Variants in ZFHX3 observed in about 807,000 individuals in gnomAD.
The protein encoded by ZFHX3 is zinc finger homeobox 3, also known as zinc finger homeobox protein 3.
Under a neutral mutation model 279.1 loss-of-function variants are expected in ZFHX3, and 42 were observed. The observed-to-expected ratio is 0.15, with a 90% CI of 0.12 to 0.19. The LOEUF (loss-of-function observed/expected upper bound fraction) is 0.19, where lower values mean the gene tolerates loss of function less well. ZFHX3 is among the 10% of genes least tolerant of loss of function. The probability of loss-of-function intolerance (pLI) is 1.00; values close to 1 mark genes in which losing one functional copy is unlikely to be tolerated. For missense variants in ZFHX3, 4,981 were observed against 4,754.0 expected (o/e 1.05, Z -1.40); for synonymous variants, 2,293 against 1,957.8 (o/e 1.17, Z -4.52).
intron 1 of ZFHX3, among the ~76,000 whole-genome samples, chr16:73,003,516 C>CCA (rs1311887026): frequency 7.3e-6 from 1 of 136,292 alleles, no homozygotes; most frequent in African/African-American, 2.7e-5. Context: ...GGTGAGACCC[C>CCA]CCCCTCCCCA....
intron 2 of ZFHX3, among the ~76,000 whole-genome samples, chr16:73,533,580 G>A (rs536333532): frequency 2.6e-5 from 4 of 151,930 alleles, no homozygotes; most frequent in South Asian, 2.1e-4. Flanking sequence ...TAGCTCAGAC[G>A]TCCCTTCCAA....
chr16:73,419,518 C>G (rs1190525150), intron 3 of ZFHX3, among the ~76,000 whole-genome samples: 1 of 152,108 alleles, frequency 6.6e-6, no homozygotes, highest in South Asian at 2.1e-4. Context: ...CCCTGCTGCC[C>G]CACAGAACTA....
chr16:73,010,648 C>CGAGCT (rs1425267820), intron 1 of ZFHX3, among the ~76,000 whole-genome samples: 1 of 152,060 alleles, frequency 6.6e-6, no homozygotes, highest in African/African-American at 2.4e-5. Flanking sequence ...ATAAAAGGAC[C>CGAGCT]GAGCTGGCAG....
At chr16:73,187,451 G>A (rs1232466759) in intron 5 of ZFHX3, among the ~76,000 whole-genome samples, 1 of 151,906 alleles carries the variant, frequency 6.6e-6, no homozygotes, top group Non-Finnish European at 1.5e-5. Context: ...CTCCTAACTA[G>A]CTATTGACAT....
intron 5 of ZFHX3, among the ~76,000 whole-genome samples, chr16:72,825,577 C>T (rs1597281075): frequency 6.6e-6 from 1 of 152,222 alleles, no homozygotes; most frequent in Middle Eastern, 3.4e-3. Context: ...TTGGGATAAA[C>T]AGATGAAGCA....
intron 2 of ZFHX3, among the ~76,000 whole-genome samples, chr16:73,475,588 A>G (rs1047399048): frequency 1.3e-5 from 2 of 152,130 alleles, no homozygotes; most frequent in Non-Finnish European, 2.9e-5. Flanking sequence ...TTGAAGTATT[A>G]CATATAAAAA....
intron 3 of ZFHX3, among the ~76,000 whole-genome samples, chr16:73,333,610 C>T (rs78372130): frequency 0.081 from 12,360 of 151,768 alleles, 1,169 homozygotes; most frequent in African/African-American, 0.22. Context: ...GGGACAATAA[C>T]GAGGGTGGAT....
chr16:72,829,658 G>T (rs2143720617), intron 5 of ZFHX3, 121 bp downstream of exon 5: 1 of 1,044,484 alleles, frequency 9.6e-7, no homozygotes, highest in South Asian at 1.5e-5. Flanking sequence ...CCTTTTTCTG[G>T]GCAGACTAAG....
At chr16:73,630,911 G>A (rs142797394) in intron 2 of ZFHX3, among the ~76,000 whole-genome samples, 26 of 152,344 alleles carry the variant, frequency 1.7e-4, no homozygotes, top group African/African-American at 3.1e-4. Context: ...GAGGTGACAT[G>A]AATGTCTACT....
intron 3 of ZFHX3, among the ~76,000 whole-genome samples, chr16:73,422,332 G>A (rs2017733561): frequency 1.3e-5 from 2 of 152,176 alleles, no homozygotes; most frequent in South Asian, 4.2e-4. Flanking sequence ...GAGCTTTGGA[G>A]GTTGGCAATA....
Position 72,783,932 on chromosome 16 carries a change from T to TCTAA in ZFHX3, c.*3228_*3231dup, listed in dbSNP as rs914049428. ...CACGATGGCTGTCAGCCCACAAACA[T>TCTAA]CTAACTCATGTTTGACCTCTAATGT... On this transcript the variant is annotated 3_prime_UTR_variant, in exon 10 of 10. Transcript: ENST00000268489. 11 of 152,360 alleles carry TCTAA rather than the reference T, an allele frequency of 7.2e-5. No homozygotes were observed. The highest frequency in any genetic ancestry group is 2.1e-4 in the South Asian group (1 of 4,832). The allele number at this position is 152,360 out of a possible 1,614,324, so 9.4% of individuals were successfully genotyped here.
At chr16:73,644,032 A>C (rs568902558) in intron 2 of ZFHX3, among the ~76,000 whole-genome samples, 2 of 152,186 alleles carry the variant, frequency 1.3e-5, no homozygotes, top group African/African-American at 4.8e-5. Flanking sequence ...TTTTAGACTT[A>C]AGGTTCATTC....
intron 1 of ZFHX3, among the ~76,000 whole-genome samples, chr16:73,712,494 A>C (rs1279345565): frequency 3.3e-5 from 5 of 152,172 alleles, no homozygotes; most frequent in Non-Finnish European, 7.3e-5. Flanking sequence ...CAGTTTGCTC[A>C]GGGAGCACAA....
intron 2 of ZFHX3, chr16:73,554,932 CG>C (rs1191334092): frequency 1.2e-4 from 18 of 152,196 alleles, no homozygotes; most frequent in Non-Finnish European, 1.9e-4. Context: ...CCTGCTGGTA[CG>C]GGTATGAGTT....
At position 72,788,397 on chromosome 16, in the gene ZFHX3, G is replaced by A. The variant is rs2228199; in HGVS notation, c.9879C>T (p.Ala3293=). ...VDPAQLQALQ[A]ALTSDPTALL... is the part of the protein sequence containing the mutation. Reference sequence around the variant, plus strand: ...ATGCTGTGGGGTCCGAAGTCAACGCGGCCTGCAGGGCCTGCAGCTGTGCAG... The same window carrying A: ...ATGCTGTGGGGTCCGAAGTCAACGCAGCCTGCAGGGCCTGCAGCTGTGCAG... The change falls in exon 10 of 10, where the codon GCC becomes GCT. Residue 3293 remains alanine (A), a synonymous_variant. Coordinates refer to ENST00000268489, the MANE Select transcript of ZFHX3 (RefSeq NM_006885.4). The A allele has an allele frequency of 0.062, 100,015 of 1,614,104 alleles. 3,498 individuals are homozygous for A. The highest frequency in any genetic ancestry group is 0.11 in the East Asian group (4,747 of 44,872).
chr16:73,391,095 C>T (rs1250855077), intron 3 of ZFHX3, among the ~76,000 whole-genome samples: 1 of 152,058 alleles, frequency 6.6e-6, no homozygotes, highest in Admixed American at 6.5e-5. Flanking sequence ...CTGACCTGAG[C>T]GTGGGAGGCA....
At chr16:72,863,616 C>G (rs1241052819) in intron 4 of ZFHX3, among the ~76,000 whole-genome samples, 1 of 151,918 alleles carries the variant, frequency 6.6e-6, no homozygotes, top group East Asian at 1.9e-4. Context: ...TAAACGGAAG[C>G]AGGGAGTGAG....
At chr16:72,877,123 C>T (rs2038334562) in intron 4 of ZFHX3, among the ~76,000 whole-genome samples, 1 of 152,178 alleles carries the variant, frequency 6.6e-6, no homozygotes, top group Non-Finnish European at 1.5e-5. Flanking sequence ...CGGTATGGCA[C>T]AAATCTCCCC....
At chr16:72,938,005 A>G (rs1960212218) in intron 3 of ZFHX3, among the ~76,000 whole-genome samples, 1 of 152,252 alleles carries the variant, frequency 6.6e-6, no homozygotes, top group African/African-American at 2.4e-5. Flanking sequence ...CTTGTGCTGC[A>G]TTCTTGAGAA....
Sources: gnomAD v4.1 joint callset for allele counts (sites outside exome capture counted in the v4.1 genomes callset) on GRCh38, gnomAD v4.1.1 for gene constraint, MANE v1.5 for transcripts, NCBI Gene and HGNC (gene_info 2026-07-23, HGNC 2026-07-21) for gene names.